SAG: variants seen among roughly 807,000 people sequenced by gnomAD.
SAG encodes S-arrestin.
A neutral mutation model predicts 55.0 loss-of-function variants in SAG; 45 were observed. The ratio of observed to expected loss-of-function variants is 0.82; its 90% CI spans 0.64 to 1.05. SAG has a LOEUF of 1.05. Among genes scored for constraint, SAG ranks in the 50% least tolerant of loss-of-function variants. The probability of loss-of-function intolerance (pLI) is 0.00; values close to 1 mark genes in which losing one functional copy is unlikely to be tolerated. For missense variants in SAG, 455 were observed against 512.1 expected, an observed-to-expected ratio of 0.89 and a Z score of 1.08; for synonymous variants, 189 against 197.4, an observed-to-expected ratio of 0.96 and a Z score of 0.36.
chr2:233,315,327 C>G (rs1000825236), intron 2 of SAG, among the ~76,000 whole-genome samples: 9 of 113,596 alleles, frequency 7.9e-5, no homozygotes, highest in Admixed American at 5.3e-4. Flanking sequence ...GAGTCTTGCT[C>G]TGTCACCCAG....
intron 5 of SAG, among the ~76,000 whole-genome samples, chr2:233,321,165 G>T (rs908648765): frequency 2.0e-5 from 3 of 152,148 alleles, no homozygotes; most frequent in Non-Finnish European, 4.4e-5. Context: ...AGTAGGAAAG[G>T]GTTCCCTACA....
chr2:233,336,515 GA>G (rs1393539820), intron 11 of SAG, among the ~76,000 whole-genome samples: 254 of 133,914 alleles, frequency 1.9e-3, no homozygotes, highest in East Asian at 6.5e-3. Flanking sequence ...CTCCATCTCA[GA>G]AAAAAAAAAA....
At chr2:233,322,854 A>G in intron 5 of SAG, 92 bp from the exon 6 acceptor site, 1 of 805,974 alleles carries the variant, frequency 1.2e-6, no homozygotes, top group Non-Finnish European at 2.0e-6. Context: ...CTTGCTTATC[A>G]TCTTTATTTT....
intron 2 of SAG, among the ~76,000 whole-genome samples, chr2:233,312,657 C>T (rs144020963): frequency 0.01 from 1,568 of 152,324 alleles, 13 homozygotes; most frequent in Non-Finnish European, 0.016. Flanking sequence ...CAGCCTGCAT[C>T]CCCATTCAGT....
intron 14 of SAG, chr2:233,342,546 G>T: frequency 1.7e-6 from 1 of 575,488 alleles, no homozygotes; most frequent in Non-Finnish European, 3.1e-6. Context: ...GAGTCTGCAA[G>T]ATGTAGCATC....
chr2:233,326,934 C>T (rs181884752), intron 6 of SAG, among the ~76,000 whole-genome samples, 187 bp from the exon 7 acceptor site: 272 of 152,354 alleles, frequency 1.8e-3, no homozygotes, highest in Non-Finnish European at 3.1e-3. Flanking sequence ...ACACTCCTTG[C>T]GCTACTGTAA....
At chr2:233,315,956 T>C (rs1359122038) in intron 2 of SAG, 119 bp from the exon 3 acceptor site, 8 of 650,196 alleles carry the variant, frequency 1.2e-5, no homozygotes, top group Middle Eastern at 6.8e-4. Context: ...CGCCTTGGCC[T>C]CCCAAAGTGC....
At chr2:233,336,835 C>A (rs904402931) in intron 11 of SAG, among the ~76,000 whole-genome samples, 1 of 152,192 alleles carries the variant, frequency 6.6e-6, no homozygotes, top group Non-Finnish European at 1.5e-5. Flanking sequence ...GTAGCTCACA[C>A]CTGTAATCCC....
rs1047548262 is a variant in SAG, at chr2:233,314,043, G to A, written c.76-2032G>A. ...GAGACCAGCCTGGGCAACATGGCGA[G>A]ACCCTGTCTCTACAAAAAAATATAA... is the stretch of plus-strand genomic sequence containing the variant. On this transcript the variant is annotated intron_variant, in intron 2 of 15. Transcript: ENST00000409110. Among the ~76,000 whole-genome samples the A allele has an allele frequency of 5.3e-5, 8 of 151,804 alleles. No homozygotes were observed. The East Asian group carries it at 1.6e-3, about 30-fold the overall frequency.
chr2:233,317,479 A>T (rs139244314), intron 3 of SAG, among the ~76,000 whole-genome samples: 19 of 152,344 alleles, frequency 1.2e-4, no homozygotes, highest in African/African-American at 4.6e-4. Context: ...TTCAACACAA[A>T]ACGTCTTTTA....
chr2:233,326,479 G>A (rs1290398431), intron 6 of SAG, among the ~76,000 whole-genome samples: 1 of 151,946 alleles, frequency 6.6e-6, no homozygotes, highest in Non-Finnish European at 1.5e-5. Flanking sequence ...CAGCTACTCA[G>A]GAGGCTGAGG....
chr2:233,331,381 GGGGT>G, intron 9 of SAG: 1 of 539,328 alleles, frequency 1.9e-6, no homozygotes, highest in East Asian at 3.2e-5. Context: ...GGGGAAAGGA[GGGGT>G]CTCCCAGGAG....
Position 233,313,277 on chromosome 2 carries a change from A to G in SAG, c.76-2798A>G, listed in dbSNP as rs189554338. Among the ~76,000 whole-genome samples the G allele has an allele frequency of 1.6e-4, 25 of 152,298 alleles. 1 individual carries two copies. In the East Asian group the frequency reaches 4.1e-3, roughly 25 times the overall value. On this transcript the variant is annotated intron_variant, in intron 2 of 15. Coordinates refer to ENST00000409110, the MANE Select transcript of SAG (RefSeq NM_000541.5). ...AAGGGCCTTCCTTACCGTGGAAACA[A>G]TAGGAACAGAGGCACAAATCTGTGG... is the stretch of plus-strand genomic sequence containing the variant.
intron 8 of SAG, chr2:233,329,276 A>G (rs967523504): frequency 1.7e-5 from 9 of 517,386 alleles, no homozygotes; most frequent in Non-Finnish European, 3.1e-5. Context: ...CTCCGATGTG[A>G]TGATCGGAAC....
In SAG at chr2:233,335,099, T is replaced by C. The variant is rs200026239; in HGVS notation, c.944T>C (p.Ile315Thr). Residue 315 changes from isoleucine (I) to threonine (T), a missense_variant and splice_region_variant, in exon 11 of 16, where the codon ATC (isoleucine) becomes ACC (threonine). Physicochemically the swap from Ile to Thr is moderately conservative, Grantham distance 89. Transcript: ENST00000409110. ...GACACAAACCTTGCCTCCAGCACCA[T>C]GTGAGTCCTCGAGGCTCAGGGAATA... ...HEDTNLASST[I>T]IKEGIDRTVL... 9 of 1,608,680 alleles carry C rather than the reference T, an allele frequency of 5.6e-6. No homozygotes were observed. The African/African-American group carries it at 8.0e-5, about 14-fold the overall frequency.
In SAG at chr2:233,324,213, G is replaced by A. The variant is rs141357158; in HGVS notation, c.435+1208G>A. 2.8e-3 allele frequency among the ~76,000 whole-genome samples: 425 copies of A among 152,196 alleles called. 3 individuals are homozygous for A. Among genetic ancestry groups the A allele is most frequent in the African/African-American group, 9.2e-3 (382 of 41,518 alleles). On this transcript the variant is annotated intron_variant, in intron 6 of 15. Transcript: ENST00000409110. ...TCAAGACTAGCCCGGGCAACGTGGC[G>A]AGACCCCATCTCTACAAAAAATACA...
chr2:233,342,576 A>G lies in SAG; in HGVS notation c.1102+250A>G, dbSNP rs553475846. On this transcript the variant is annotated intron_variant, in intron 14 of 15. Coordinates refer to ENST00000409110, the MANE Select transcript of SAG (RefSeq NM_000541.5). ...AGCATCCTTGCTCTTGGACAGGGACAATCTCGTGAGGTTTTATCATGAATG... is the reference window on the plus strand; with the variant it reads ...AGCATCCTTGCTCTTGGACAGGGACGATCTCGTGAGGTTTTATCATGAATG... 10 of 519,878 alleles carry G rather than the reference A, an allele frequency of 1.9e-5. No homozygotes were observed. In the East Asian group the frequency reaches 2.3e-4, roughly 12 times the overall value. The allele number at this position is 519,878 out of a possible 1,614,324, so 32.2% of individuals were successfully genotyped here.
rs552438770 is a variant in SAG at position 233,340,434 on chromosome 2, G to T, written c.1023-21G>T. On this transcript the variant is annotated intron_variant, in intron 12 of 15. Coordinates refer to ENST00000409110, the MANE Select transcript of SAG (RefSeq NM_000541.5). This position sits in a 1 kb window ranked among gnomAD's most constrained non-coding sequence, Gnocchi z 4.2. ...TTACCACTGTGACAGTTAACGACAG[G>T]CGTTTGTTTGTGTTTTCTAGCTTTC... The T allele has an allele frequency of 1.4e-5, 23 of 1,608,860 alleles. No homozygotes were observed. The East Asian group carries it at 4.7e-4, about 33-fold the overall frequency.
At chr2:233,322,824 G>T in intron 5 of SAG, 122 bp from the exon 6 acceptor site, 1 of 681,750 alleles carries the variant, frequency 1.5e-6, no homozygotes, top group Non-Finnish European at 2.5e-6. Flanking sequence ...GAGTATAGGT[G>T]AATGTGATTT....
Sources: gnomAD v4.1 joint callset for allele counts (sites outside exome capture counted in the v4.1 genomes callset) on GRCh38, gnomAD v4.1.1 for gene constraint, Gnocchi (gnomAD v3.1) non-coding constraint, MANE v1.5 for transcripts, NCBI Gene and HGNC (gene_info 2026-07-23, HGNC 2026-07-21) for gene names.